The following PRDM10 variants were observed in gnomAD, a reference collection of about 807,000 sequenced individuals.
PRDM10 encodes PR domain zinc finger protein 10.
Under a neutral mutation model 133.1 loss-of-function variants are expected in PRDM10, and 65 were observed. The observed-to-expected ratio is 0.49, with a 90% CI of 0.40 to 0.60. The LOEUF (loss-of-function observed/expected upper bound fraction) is 0.60, where lower values mean the gene tolerates loss of function less well. PRDM10 is among the 20% of genes least tolerant of loss of function. The pLI, the probability that PRDM10 is intolerant of heterozygous loss-of-function variation, is 0.00. For missense variants in PRDM10, 1,137 were observed against 1,507.1 expected (o/e 0.75, Z 4.07); for synonymous variants, 582 against 580.4 (o/e 1.00, Z -0.04).
chr11:129,905,762 A>G, intron 19 of PRDM10, 21 bp from the exon 20 acceptor site: 1 of 1,595,874 alleles, frequency 6.3e-7, no homozygotes, highest in African/African-American at 1.3e-5. Context: ...GGAAATATTC[A>G]TAGTTCAGTG....
intron 1 of PRDM10, among the ~76,000 whole-genome samples, chr11:129,971,012 C>T (rs934729985): frequency 1.3e-5 from 2 of 152,036 alleles, no homozygotes; most frequent in South Asian, 4.1e-4. Flanking sequence ...CACGTACCCT[C>T]GCGATGAGTG....
chr11:129,959,014 T>C (rs1951747865), intron 2 of PRDM10, among the ~76,000 whole-genome samples: 1 of 152,190 alleles, frequency 6.6e-6, no homozygotes, highest in African/African-American at 2.4e-5. Context: ...CAAGAACACA[T>C]TTGGGAGAGA....
chr11:130,001,586 T>C (rs189511404), intron 1 of PRDM10, among the ~76,000 whole-genome samples: 2 of 152,254 alleles, frequency 1.3e-5, no homozygotes, highest in East Asian at 1.9e-4. Context: ...TACACGCACA[T>C]TGATTGAAAA....
intron 1 of PRDM10, among the ~76,000 whole-genome samples, chr11:129,983,081 A>T (rs1938204615): frequency 6.6e-6 from 1 of 151,540 alleles, no homozygotes; most frequent in Non-Finnish European, 1.5e-5. Context: ...GGTTCAAGTG[A>T]TTCTCCTGTG....
intron 2 of PRDM10, 77 bp downstream of exon 2, chr11:129,960,819 C>T: frequency 6.9e-7 from 1 of 1,448,068 alleles, no homozygotes; most frequent in South Asian, 1.2e-5. Context: ...TAGATAGCAG[C>T]TGTATTTCTT....
intron 10 of PRDM10, among the ~76,000 whole-genome samples, chr11:129,931,662 G>A (rs1950869202): frequency 6.6e-6 from 1 of 151,270 alleles, no homozygotes. Flanking sequence ...CCGCCTCCCG[G>A]TTCACGCCAT....
intron 19 of PRDM10, among the ~76,000 whole-genome samples, chr11:129,906,064 T>G (rs189082595): frequency 1.7e-3 from 262 of 152,368 alleles, no homozygotes; most frequent in African/African-American, 6.0e-3. Flanking sequence ...TTTTATCTTT[T>G]ATATTCAGAT....
chr11:129,944,642 G>A (rs984518242), intron 6 of PRDM10, 129 bp downstream of exon 6: 4 of 1,340,024 alleles, frequency 3.0e-6, no homozygotes, highest in African/African-American at 1.5e-5. Context: ...ATTTAACCAA[G>A]TTAAGATAGA....
rs1949791713 is a variant in PRDM10, at chr11:129,899,711, TAGC to T, written c.*2599_*2601del. ...TTCAAAGAAAAAAAAATAGCTCTTG[TAGC>T]TTCACACATACAAACATGTTTATTA... On this transcript the variant is annotated 3_prime_UTR_variant, in exon 21 of 21. Coordinates refer to ENST00000360871, the MANE Select transcript of PRDM10 (RefSeq NM_199437.2). 1.3e-5 allele frequency: 2 copies of T among 152,498 alleles called. No homozygotes were observed. The highest frequency in any genetic ancestry group is 4.1e-4 in the South Asian group (2 of 4,834). 9.4% of individuals were successfully genotyped at this position (152,498 alleles called of 1,614,324 possible).
chr11:129,956,617 T>C (rs930706775), intron 3 of PRDM10, among the ~76,000 whole-genome samples: 24 of 152,298 alleles, frequency 1.6e-4, no homozygotes, highest in African/African-American at 5.8e-4. Flanking sequence ...TTCAGACATT[T>C]AGTAACATTG....
intron 13 of PRDM10, among the ~76,000 whole-genome samples, chr11:129,921,017 G>A (rs1950508234): frequency 6.6e-6 from 1 of 152,026 alleles, no homozygotes; most frequent in Admixed American, 6.5e-5. Context: ...GGCTGGTCTC[G>A]AACTCCCAAC....
chr11:129,982,283 TGC>T (rs1189248438), intron 1 of PRDM10, among the ~76,000 whole-genome samples: 4 of 150,880 alleles, frequency 2.7e-5, no homozygotes, highest in African/African-American at 4.9e-5. Context: ...TCTGTGTGTG[TGC>T]GCGCGTGTGT....
chr11:129,988,241 G>C (rs1438180934), intron 1 of PRDM10, among the ~76,000 whole-genome samples: 2 of 152,172 alleles, frequency 1.3e-5, no homozygotes, highest in African/African-American at 4.8e-5. Context: ...CAGCTAAATG[G>C]TTCAGGAATT....
At chr11:129,935,255 C>A (rs1950991854) in intron 8 of PRDM10, 37 bp from the exon 9 acceptor site, 1 of 1,471,542 alleles carries the variant, frequency 6.8e-7, no homozygotes, top group South Asian at 1.1e-5. Flanking sequence ...AGGCTGATGA[C>A]CAATAGACAC....
intron 7 of PRDM10, 117 bp downstream of exon 7, chr11:129,942,309 A>G (rs750740638): frequency 8.7e-5 from 86 of 984,332 alleles, no homozygotes; most frequent in Non-Finnish European, 1.2e-4. Flanking sequence ...TAACCAGAAA[A>G]TGACCCCCCT....
chr11:129,967,751 G>C (rs146351251), intron 1 of PRDM10, among the ~76,000 whole-genome samples: 213 of 152,320 alleles, frequency 1.4e-3, no homozygotes, highest in African/African-American at 5.0e-3. Context: ...GTGATGAAGA[G>C]TGAGGGGAAT....
At chr11:129,904,723 C>T (rs1264469824) in intron 20 of PRDM10, among the ~76,000 whole-genome samples, 1 of 152,216 alleles carries the variant, frequency 6.6e-6, no homozygotes, top group African/African-American at 2.4e-5. Flanking sequence ...TGGTCTTGAA[C>T]TCCTGACCTC....
intron 9 of PRDM10, among the ~76,000 whole-genome samples, chr11:129,933,325 A>G (rs1180863932): frequency 3.3e-5 from 5 of 152,130 alleles, no homozygotes; most frequent in Admixed American, 3.3e-4. Flanking sequence ...CCCAATTCCA[A>G]CATTTTTCAA....
chr11:129,942,045 G>A (rs950429634), intron 7 of PRDM10, among the ~76,000 whole-genome samples: 13 of 152,048 alleles, frequency 8.5e-5, no homozygotes, highest in Non-Finnish European at 1.3e-4. Flanking sequence ...ACAGGCACCC[G>A]CCACCATGCT....
Sources: allele counts gnomAD v4.1 joint callset (sites outside exome capture counted in the v4.1 genomes callset), GRCh38; gene constraint gnomAD v4.1.1; transcripts MANE v1.5; gene names NCBI Gene and HGNC (gene_info 2026-07-23, HGNC 2026-07-21).